SAMD4A: variants seen among roughly 807,000 people sequenced by gnomAD.
SAMD4A encodes sterile alpha motif domain containing 4A.
In SAMD4A, 33 loss-of-function variants were observed where a neutral mutation model predicts 81.3. The observed-to-expected ratio is 0.41, with a 90% confidence interval of 0.31 to 0.54. The LOEUF is 0.54. SAMD4A is among the 20% of genes least tolerant of loss of function. The pLI is 0.37. For synonymous variants in SAMD4A, 389 were observed against 382.1 expected, an observed-to-expected ratio of 1.02 and a Z score of -0.21; for missense variants, 854 against 951.1, an observed-to-expected ratio of 0.90 and a Z score of 1.34.
In SAMD4A at chr14:54,760,545, A is replaced by G. The variant is rs939281642; in HGVS notation, c.1510+51A>G. ...TTTTCTTCTGGATACCACTAACCAG[A>G]GCGACAGGCTCCTGGGGGCTTCCCC... On this transcript the variant is annotated intron_variant, in intron 7 of 12. Transcript: ENST00000554335. 4.7e-5 allele frequency: 64 copies of G among 1,364,722 alleles called. 3 individuals carry two copies. The South Asian group carries it at 8.3e-4, about 18-fold the overall frequency. 84.5% of individuals were successfully genotyped at this position (1,364,722 alleles called of 1,614,324 possible).
intron 3 of SAMD4A, chr14:54,734,880 A>C (rs1355388772): frequency 6.6e-6 from 1 of 152,234 alleles, no homozygotes; most frequent in East Asian, 1.9e-4. Flanking sequence ...AGGTACTAAG[A>C]GTCCCACTGT....
chr14:54,665,911 A>C (rs891068157), intron 2 of SAMD4A, among the ~76,000 whole-genome samples: 9 of 152,200 alleles, frequency 5.9e-5, no homozygotes, highest in African/African-American at 2.2e-4. Flanking sequence ...GCAATAATAC[A>C]GTCATGGATT....
intron 2 of SAMD4A, among the ~76,000 whole-genome samples, chr14:54,665,319 C>T (rs1005357290): frequency 3.9e-5 from 6 of 152,082 alleles, no homozygotes; most frequent in Non-Finnish European, 7.4e-5. Flanking sequence ...ATAAGTATGC[C>T]GGAACATGAA....
intron 2 of SAMD4A, among the ~76,000 whole-genome samples, chr14:54,647,043 A>G (rs966962257): frequency 1.1e-4 from 17 of 152,238 alleles, no homozygotes; most frequent in Admixed American, 1.0e-3. Flanking sequence ...AAGGTTTGAT[A>G]TTTAAGTAAT....
At chr14:54,661,531 C>T (rs899419565) in intron 2 of SAMD4A, among the ~76,000 whole-genome samples, 1 of 152,278 alleles carries the variant, frequency 6.6e-6, no homozygotes, top group South Asian at 2.1e-4. Flanking sequence ...AGATAGTTCC[C>T]GTCCTAGTTA....
chr14:54,776,096 C>A (rs1057261670), intron 10 of SAMD4A, among the ~76,000 whole-genome samples: 10 of 151,436 alleles, frequency 6.6e-5, no homozygotes, highest in African/African-American at 2.2e-4. Context: ...TAGAACTCCC[C>A]CATTTCCTAG....
intron 2 of SAMD4A, among the ~76,000 whole-genome samples, chr14:54,591,389 C>G (rs781745722): frequency 1.7e-4 from 26 of 152,214 alleles, no homozygotes; most frequent in Non-Finnish European, 3.8e-4. Context: ...GGCAATTGCT[C>G]CACATCCCAT....
intron 4 of SAMD4A, among the ~76,000 whole-genome samples, chr14:54,737,610 T>C (rs564845015): frequency 6.9e-6 from 1 of 145,352 alleles, no homozygotes; most frequent in East Asian, 2.1e-4. Flanking sequence ...CTAATGGTGA[T>C]AGGATCTTCT....
At chr14:54,690,010 A>G (rs2036391049) in intron 2 of SAMD4A, 2 of 152,242 alleles carry the variant, frequency 1.3e-5, no homozygotes, top group South Asian at 2.1e-4. Context: ...CAGATGTGCC[A>G]TGTCATCAGC....
chr14:54,688,988 A>G (rs988747070), intron 2 of SAMD4A, among the ~76,000 whole-genome samples: 1 of 137,214 alleles, frequency 7.3e-6, no homozygotes, highest in Non-Finnish European at 1.5e-5. Context: ...TTAGAGTCCA[A>G]TGGCACAATC....
intron 3 of SAMD4A, among the ~76,000 whole-genome samples, chr14:54,730,458 A>G (rs536909598): frequency 1.7e-4 from 26 of 152,254 alleles, no homozygotes; most frequent in African/African-American, 5.8e-4. Flanking sequence ...CCGTCCACCA[A>G]CCACATCTTT....
chr14:54,572,519 G>A (rs2033158838), intron 2 of SAMD4A, among the ~76,000 whole-genome samples: 1 of 152,204 alleles, frequency 6.6e-6, no homozygotes, highest in South Asian at 2.1e-4. Flanking sequence ...CCACATGGTG[G>A]CATTATCTTC....
intron 2 of SAMD4A, among the ~76,000 whole-genome samples, chr14:54,653,734 AT>A (rs2035459169): frequency 6.6e-6 from 1 of 152,198 alleles, no homozygotes; most frequent in Non-Finnish European, 1.5e-5. Flanking sequence ...GGATTTTTGC[AT>A]GACCAGCCAT....
At chr14:54,750,489 C>T (rs1057331537) in intron 5 of SAMD4A, among the ~76,000 whole-genome samples, 9 of 152,196 alleles carry the variant, frequency 5.9e-5, no homozygotes, top group Non-Finnish European at 1.5e-5. Context: ...TCCTTAGGCT[C>T]ACCATTGCTA....
chr14:54,701,481 C>T (rs2036714845), intron 2 of SAMD4A, among the ~76,000 whole-genome samples: 1 of 152,246 alleles, frequency 6.6e-6, no homozygotes, highest in Admixed American at 6.5e-5. Flanking sequence ...CCCATAGTCA[C>T]TCTGAGTTAG....
At chr14:54,626,712 A>G (rs1566555010) in intron 2 of SAMD4A, among the ~76,000 whole-genome samples, 1 of 152,104 alleles carries the variant, frequency 6.6e-6, no homozygotes, top group African/African-American at 2.4e-5. Context: ...AGGCTGAGGG[A>G]TATACAAGCA....
intron 2 of SAMD4A, among the ~76,000 whole-genome samples, chr14:54,677,231 C>T (rs764174725): frequency 7.4e-4 from 113 of 152,196 alleles, no homozygotes; most frequent in Non-Finnish European, 5.6e-4. Flanking sequence ...AGTTTTACTA[C>T]ACTTTGTAAT....
In SAMD4A at chr14:54,760,397, C is replaced by T. The variant is rs746225547; in HGVS notation, c.1413C>T (p.Leu471=). ...CCTCGGCCGGGGCCAGCGGGGGGCT[C>T]CAGCCGCACCAGCTGAGCAGCTGCG... ...ATPSAGASGG[L]QPHQLSSCDG... Residue 471 remains leucine (L), a synonymous_variant, in exon 7 of 13, where the codon CTC becomes CTT. Transcript: ENST00000554335. The T allele has an allele frequency of 6.7e-7, 1 of 1,486,338 alleles. No individual in the cohort carries two copies. The highest frequency in any genetic ancestry group is 2.5e-5 in the East Asian group (1 of 39,420). 92.1% of individuals were successfully genotyped at this position (1,486,338 alleles called of 1,614,324 possible).
intron 2 of SAMD4A, among the ~76,000 whole-genome samples, chr14:54,578,493 T>C (rs756468050): frequency 6.6e-6 from 1 of 151,966 alleles, no homozygotes; most frequent in African/African-American, 2.4e-5. Context: ...GGCGGATCAC[T>C]TGAGGTCAGG....
Sources: allele counts gnomAD v4.1 joint callset (sites outside exome capture counted in the v4.1 genomes callset), GRCh38; gene constraint gnomAD v4.1.1; transcripts MANE v1.5; gene names NCBI Gene and HGNC (gene_info 2026-07-23, HGNC 2026-07-21).